The following UBALD1 variants were observed in gnomAD, a reference collection of about 807,000 sequenced individuals.
UBALD1 encodes the protein UBA like domain containing 1.
A neutral mutation model predicts 16.1 loss-of-function variants in UBALD1; 5 were observed. That is an observed-to-expected ratio of 0.31 (90% CI 0.16 to 0.66). UBALD1 has a LOEUF of 0.66. Among genes scored for constraint, UBALD1 ranks in the 30% least tolerant of loss-of-function variants. The pLI is 0.77. For synonymous variants in UBALD1, 146 were observed against 105.3 expected (o/e 1.39, Z -2.37); for missense variants, 220 against 252.8 (o/e 0.87, Z 0.88).
At chr16:4,612,327 G>T (rs1384989512) in intron 1 of UBALD1, among the ~76,000 whole-genome samples, 1 of 152,122 alleles carries the variant, frequency 6.6e-6, no homozygotes, top group East Asian at 1.9e-4. Flanking sequence ...CTCCCAAAGT[G>T]CTGGGATTAC....
chr16:4,614,637 G>A (rs1596548356), intron 1 of UBALD1, 41 bp downstream of exon 1: 5 of 1,423,728 alleles, frequency 3.5e-6, no homozygotes, highest in East Asian at 3.0e-5. Context: ...GACACACTCC[G>A]CCCGTGGCCC....
chr16:4,610,752 T>C (rs567393375), intron 1 of UBALD1, 197 bp from the exon 2 acceptor site: 1 of 587,750 alleles, frequency 1.7e-6, no homozygotes, highest in African/African-American at 1.9e-5. Flanking sequence ...CCACGGAACC[T>C]TGGGCAGTTG....
chr16:4,614,641 G>T, intron 1 of UBALD1, 37 bp downstream of exon 1: 2 of 1,435,944 alleles, frequency 1.4e-6, no homozygotes, highest in Non-Finnish European at 1.8e-6. Flanking sequence ...CACTCCGCCC[G>T]TGGCCCCGGC....
chr16:4,613,649 TG>T (rs1897385055), intron 1 of UBALD1, among the ~76,000 whole-genome samples: 1 of 152,152 alleles, frequency 6.6e-6, no homozygotes, highest in Non-Finnish European at 1.5e-5. Context: ...ACCCTACCCC[TG>T]TGAGGGGCAC....
Position 4,609,719 on chromosome 16 carries a change from A to G in UBALD1, c.448T>C (p.Ser150Pro). ...AGGGGTGGCCAGTCTGAAGCCGGAGAAGGGGGTGTTGGAGTCCACAGGGGC... is the reference window on the plus strand; with the variant it reads ...AGGGGTGGCCAGTCTGAAGCCGGAGGAGGGGGTGTTGGAGTCCACAGGGGC... Reference protein sequence around the residue: ...QPPLWTPTPPSPASDWPPLAP... With the variant: ...QPPLWTPTPPPPASDWPPLAP... Residue 150 changes from serine to proline, a missense_variant, in exon 3 of 3, where the codon TCT (serine) becomes CCT (proline). This residue lies in a region of UBALD1 where 151 missense variants were observed against 132.6 expected (regional missense o/e 1.14). Transcript: ENST00000283474. The G allele has an allele frequency of 6.8e-7, 1 of 1,469,942 alleles. No individual in the cohort carries two copies. Among genetic ancestry groups the G allele is most frequent in the Non-Finnish European group, 9.0e-7 (1 of 1,111,684 alleles). 91.1% of individuals were successfully genotyped at this position (1,469,942 alleles called of 1,614,324 possible).
chr16:4,612,063 ATTTTTTTTT>A (rs35403269), intron 1 of UBALD1, among the ~76,000 whole-genome samples: 1 of 117,168 alleles, frequency 8.5e-6, no homozygotes, highest in Non-Finnish European at 1.9e-5. Context: ...GGCTATTTAG[ATTTTTTTTT>A]TTTTTTTTTT....
chr16:4,610,152 G>A (rs1321022066), intron 2 of UBALD1, 169 bp from the exon 3 acceptor site: 2 of 738,498 alleles, frequency 2.7e-6, no homozygotes, highest in Admixed American at 4.0e-5. Context: ...GAAGCCTTGA[G>A]ATGAACCGAC....
Position 4,614,774 on chromosome 16 carries a change from G to A in UBALD1, c.24C>T (p.Leu8=), listed in dbSNP as rs1236514127. Residue 8 remains leucine (L), a synonymous_variant, in exon 1 of 3, where the codon CTC becomes CTT. Coordinates refer to ENST00000283474, the MANE Select transcript of UBALD1 (RefSeq NM_145253.3). The stretch of plus-strand genomic sequence containing the variant: ...ACTGGTTGATCATGACCTGGTGCTT[G>A]AGCTCGTCCATGTTCACGGACATGG... The part of the protein sequence containing the change: MSVNMDE[L]KHQVMINQFV... 1.3e-6 allele frequency: 2 copies of A among 1,539,618 alleles called. No individual in the cohort carries two copies. Among genetic ancestry groups the A allele is most frequent in the Non-Finnish European group, 1.7e-6 (2 of 1,144,942 alleles).
Position 4,609,806 on chromosome 16 carries a change from C to A in UBALD1, c.361G>T (p.Ala121Ser). The A allele has an allele frequency of 6.6e-7, 1 of 1,521,272 alleles. No individual in the cohort carries two copies. 94.2% of individuals were successfully genotyped at this position (1,521,272 alleles called of 1,614,324 possible). The change falls in exon 3 of 3, where the codon GCC (alanine) becomes TCC (serine). Residue 121 changes from alanine to serine, a missense_variant. Around this residue, in one of 2 missense-constraint regions of UBALD1, gnomAD observed 151 missense variants for 132.6 expected, o/e 1.14. Coordinates refer to ENST00000283474, the MANE Select transcript of UBALD1 (RefSeq NM_145253.3). ...FPHAATSSSA[A>S]SSWPTAASPP... ...GAGGCCGCCGTGGGCCAGCTGGAGG[C>A]CGCAGAGCTGCTGGTGGCGGCATGG...
At chr16:4,614,454 C>T (rs1596548247) in intron 1 of UBALD1, 3 of 601,378 alleles carry the variant, frequency 5.0e-6, no homozygotes, top group Non-Finnish European at 7.5e-6. Flanking sequence ...CGCGGCCCCG[C>T]GGGGGCGGCG....
Position 4,611,167 on chromosome 16 carries a change from G to A in UBALD1, c.121-612C>T, listed in dbSNP as rs564200427. 148 of 156,138 alleles carry A rather than the reference G, an allele frequency of 9.5e-4. 1 individual carries two copies. Among genetic ancestry groups the A allele is most frequent in the Non-Finnish European group, 1.8e-3 (126 of 70,808 alleles). The allele number at this position is 156,138 out of a possible 1,614,324, so 9.7% of individuals were successfully genotyped here. A position where few individuals can be genotyped will look rare whatever the true frequency, so the allele number is the denominator to read the frequency against. ...CTCCATCTGTACCACAAAGAGGTTCGACTAGGTGGCTCCTGGGTCCCCTCC... is the reference window on the plus strand; with the variant it reads ...CTCCATCTGTACCACAAAGAGGTTCAACTAGGTGGCTCCTGGGTCCCCTCC... On this transcript the variant is annotated intron_variant, in intron 1 of 2. Transcript: ENST00000283474.
intron 1 of UBALD1, 122 bp downstream of exon 1, chr16:4,614,556 G>C: frequency 7.7e-7 from 1 of 1,295,512 alleles, no homozygotes; most frequent in Non-Finnish European, 9.9e-7. Flanking sequence ...AGCGGGTCGG[G>C]TCTGCGGCCC....
Position 4,610,479 on chromosome 16 carries a change from C to G in UBALD1, c.183+14G>C, listed in dbSNP as rs757233054. ...TCCGCCCAATCCAGAACTGGGGACTCCGGGGACACTTACCATCTGGTGGTG... is the reference window on the plus strand; with the variant it reads ...TCCGCCCAATCCAGAACTGGGGACTGCGGGGACACTTACCATCTGGTGGTG... On this transcript the variant is annotated intron_variant, in intron 2 of 2. Coordinates refer to ENST00000283474, the MANE Select transcript of UBALD1 (RefSeq NM_145253.3). 5 of 1,598,444 alleles carry G rather than the reference C, an allele frequency of 3.1e-6. No homozygotes were observed. The African/African-American group carries it at 5.4e-5, about 17-fold the overall frequency.
At chr16:4,613,580 G>A (rs1897383951) in intron 1 of UBALD1, among the ~76,000 whole-genome samples, 3 of 152,124 alleles carry the variant, frequency 2.0e-5, no homozygotes, top group African/African-American at 7.2e-5. Context: ...TCCTCATGGA[G>A]AAACCAGGTT....
At chr16:4,611,359 G>T (rs1897355796) in intron 1 of UBALD1, 1 of 152,312 alleles carries the variant, frequency 6.6e-6, no homozygotes, top group African/African-American at 2.4e-5. Flanking sequence ...GCCACCACGG[G>T]TTTACGACAG....
chr16:4,610,283 C>G (rs1290274952), intron 2 of UBALD1: 4 of 713,066 alleles, frequency 5.6e-6, no homozygotes, highest in Admixed American at 4.1e-5. Flanking sequence ...GCCCCAGAGG[C>G]CAGCGCCCCC....
chr16:4,610,195 G>C (rs2306770), intron 2 of UBALD1: 115,653 of 713,018 alleles, frequency 0.16, 10,330 homozygotes, highest in South Asian at 0.23. Flanking sequence ...ACGGTGCCTG[G>C]GGCCACGAGG....
intron 2 of UBALD1, 177 bp from the exon 3 acceptor site, chr16:4,610,160 G>T: frequency 1.4e-6 from 1 of 729,260 alleles, no homozygotes; most frequent in Non-Finnish European, 2.4e-6. Flanking sequence ...GAGATGAACC[G>T]ACCCAGCCTC....
At chr16:4,612,794 T>TC (rs1365068474) in intron 1 of UBALD1, among the ~76,000 whole-genome samples, 2 of 152,028 alleles carry the variant, frequency 1.3e-5, no homozygotes, top group African/African-American at 4.8e-5. Context: ...AGGCCTGAAG[T>TC]CCCGTCACCT....
Sources: gnomAD v4.1 joint callset for allele counts (sites outside exome capture counted in the v4.1 genomes callset) on GRCh38, gnomAD v4.1.1 for gene constraint, gnomAD v4.1.1 regional missense constraint, MANE v1.5 for transcripts, NCBI Gene and HGNC (gene_info 2026-07-23, HGNC 2026-07-21) for gene names.